CYRIA: variants seen among roughly 807,000 people sequenced by gnomAD.
CYRIA encodes the protein CYFIP related Rac1 interactor A.
In CYRIA, 15 loss-of-function variants were observed where a neutral mutation model predicts 43.9. The ratio of observed to expected loss-of-function variants is 0.34; its 90% CI spans 0.23 to 0.53. The LOEUF is 0.53. Among genes scored for constraint, CYRIA ranks in the 20% least tolerant of loss-of-function variants. The pLI is 0.94. For missense variants in CYRIA, 236 were observed against 394.2 expected, an observed-to-expected ratio of 0.60 and a Z score of 3.40; for synonymous variants, 117 against 136.0, an observed-to-expected ratio of 0.86 and a Z score of 0.97.
At chr2:16,580,118 T>C (rs1667500945) in intron 3 of CYRIA, among the ~76,000 whole-genome samples, 1 of 152,054 alleles carries the variant, frequency 6.6e-6, no homozygotes, top group South Asian at 2.1e-4. Context: ...TAATTAATTT[T>C]TGTATTTTTT....
At chr2:16,621,438 T>A (rs1421916450) in intron 2 of CYRIA, among the ~76,000 whole-genome samples, 2 of 152,142 alleles carry the variant, frequency 1.3e-5, no homozygotes, top group African/African-American at 4.8e-5. Context: ...AGAGTCCCAG[T>A]AGCTAGGGCC....
At chr2:16,586,520 C>T (rs986560245) in intron 3 of CYRIA, among the ~76,000 whole-genome samples, 9 of 151,754 alleles carry the variant, frequency 5.9e-5, no homozygotes, top group African/African-American at 1.5e-4. Context: ...CAACATAGCA[C>T]GCTGATTTAA....
intron 2 of CYRIA, among the ~76,000 whole-genome samples, chr2:16,600,387 G>T (rs950576467): frequency 6.6e-6 from 1 of 152,146 alleles, no homozygotes; most frequent in Non-Finnish European, 1.5e-5. Flanking sequence ...TGGGTGGCAA[G>T]TTTCTTCTTC....
chr2:16,581,921 T>C (rs1172718646), intron 3 of CYRIA, among the ~76,000 whole-genome samples: 1 of 152,214 alleles, frequency 6.6e-6, no homozygotes, highest in Admixed American at 6.5e-5. Flanking sequence ...AACATTATAT[T>C]GAGTGAAAAA....
intron 2 of CYRIA, among the ~76,000 whole-genome samples, chr2:16,619,185 C>A (rs1668911350): frequency 6.6e-6 from 1 of 152,102 alleles, no homozygotes; most frequent in African/African-American, 2.4e-5. Flanking sequence ...TAAGTCTAGC[C>A]CATCCATTCA....
intron 2 of CYRIA, among the ~76,000 whole-genome samples, chr2:16,613,635 T>C (rs1256845137): frequency 6.6e-6 from 1 of 151,486 alleles, no homozygotes; most frequent in Non-Finnish European, 1.5e-5. Flanking sequence ...AAGTACCTTA[T>C]CCACTAAGGG....
intron 3 of CYRIA, among the ~76,000 whole-genome samples, chr2:16,578,347 G>A (rs565930037): frequency 4.5e-4 from 69 of 152,168 alleles, no homozygotes; most frequent in South Asian, 4.0e-3. Flanking sequence ...TTCAAAAAAA[G>A]CAAAGGAAAA....
rs150293036 is a variant in CYRIA at position 16,554,637 on chromosome 2, A to T, written c.908+432T>A. On this transcript the variant is annotated intron_variant, in intron 11 of 11. Transcript: ENST00000381323. ...TTGGTCTTGAGTCACATGCAGTCAGAATCACACAGAGTGTTTTCAAAAGGT... is the reference window on the plus strand; with the variant it reads ...TTGGTCTTGAGTCACATGCAGTCAGTATCACACAGAGTGTTTTCAAAAGGT... 5.4e-3 allele frequency among the ~76,000 whole-genome samples: 818 copies of T among 152,308 alleles called. 11 individuals carry two copies. Among genetic ancestry groups the T allele is most frequent in the African/African-American group, 0.018 (762 of 41,586 alleles).
intron 1 of CYRIA, among the ~76,000 whole-genome samples, chr2:16,663,882 G>A (rs1196799668): frequency 2.0e-5 from 3 of 152,032 alleles, no homozygotes; most frequent in Non-Finnish European, 2.9e-5. Flanking sequence ...GTGATCCCTC[G>A]GACAGGACCA....
chr2:16,567,353 G>A (rs1299740525), intron 3 of CYRIA, among the ~76,000 whole-genome samples: 1 of 152,122 alleles, frequency 6.6e-6, no homozygotes, highest in African/African-American at 2.4e-5. Context: ...GCAATGAACT[G>A]AGATCATGTC....
intron 3 of CYRIA, among the ~76,000 whole-genome samples, chr2:16,577,377 A>C (rs1667390488): frequency 6.6e-6 from 1 of 152,186 alleles, no homozygotes; most frequent in South Asian, 2.1e-4. Context: ...ACACATTTTC[A>C]TATTTTTTAA....
chr2:16,615,399 GC>G (rs1668745989), intron 2 of CYRIA, among the ~76,000 whole-genome samples: 1 of 152,276 alleles, frequency 6.6e-6, no homozygotes, highest in East Asian at 1.9e-4. Flanking sequence ...TTACAAGTGG[GC>G]CCCTTGATTA....
At chr2:16,583,246 G>A (rs1407230902) in intron 3 of CYRIA, among the ~76,000 whole-genome samples, 1 of 152,210 alleles carries the variant, frequency 6.6e-6, no homozygotes, top group African/African-American at 2.4e-5. Flanking sequence ...CTTGAAGTGA[G>A]AATGCAGAGA....
chr2:16,601,328 G>A (rs776675692), intron 2 of CYRIA, among the ~76,000 whole-genome samples: 6 of 152,162 alleles, frequency 3.9e-5, no homozygotes, highest in Non-Finnish European at 7.4e-5. Context: ...GGGGGATTCT[G>A]AGTGTGAAGG....
At chr2:16,644,134 C>T (rs568101738) in intron 1 of CYRIA, among the ~76,000 whole-genome samples, 15 of 152,324 alleles carry the variant, frequency 9.8e-5, no homozygotes, top group East Asian at 1.9e-4. Flanking sequence ...TATAATAAAA[C>T]GAAGCTGATA....
At chr2:16,565,622 A>G in intron 4 of CYRIA, 24 bp downstream of exon 4, 1 of 1,528,118 alleles carries the variant, frequency 6.5e-7, no homozygotes, top group South Asian at 1.2e-5. Context: ...GGGTGTTGTC[A>G]GTTCAGCGTG....
Position 16,630,986 on chromosome 2 carries a change from G to T in CYRIA, c.-166-6967C>A, listed in dbSNP as rs536581772. ...TGGAGTCTGAGCCTGACCACCCCCA[G>T]GTGATGCAAGCCAGGAGGTTGCCTT... is the stretch of plus-strand genomic sequence containing the variant. On this transcript the variant is annotated intron_variant, in intron 1 of 11. Coordinates refer to ENST00000381323, the MANE Select transcript of CYRIA (RefSeq NM_030797.4). 9.0e-4 allele frequency among the ~76,000 whole-genome samples: 137 copies of T among 152,294 alleles called. 1 individual carries two copies. The highest frequency in any genetic ancestry group is 3.2e-3 in the African/African-American group (134 of 41,566).
intron 3 of CYRIA, among the ~76,000 whole-genome samples, chr2:16,574,343 A>T (rs770953013): frequency 1.3e-5 from 2 of 152,204 alleles, no homozygotes; most frequent in Non-Finnish European, 2.9e-5. Context: ...AGAGCATAAA[A>T]GTTTGGAAAA....
At position 16,550,377 on chromosome 2, in the gene CYRIA, T is replaced by C. The variant is rs750962722; in HGVS notation, c.*2559A>G. Reference sequence around the variant, plus strand: ...TCCTGATGCCGGGAGGACAGGCTGTTAAAAGAATTTGTCTCCCACAATATC... The same window carrying C: ...TCCTGATGCCGGGAGGACAGGCTGTCAAAAGAATTTGTCTCCCACAATATC... On this transcript the variant is annotated 3_prime_UTR_variant, in exon 12 of 12. Coordinates refer to ENST00000381323, the MANE Select transcript of CYRIA (RefSeq NM_030797.4). The C allele has an allele frequency of 5.3e-5, 8 of 151,850 alleles. No homozygotes were observed. Among genetic ancestry groups the C allele is most frequent in the Non-Finnish European group, 8.8e-5 (6 of 67,976 alleles). 9.4% of individuals were successfully genotyped at this position (151,850 alleles called of 1,614,324 possible). A position where few individuals can be genotyped will look rare whatever the true frequency, so the allele number is the denominator to read the frequency against.
Sources: allele counts gnomAD v4.1 joint callset (sites outside exome capture counted in the v4.1 genomes callset), GRCh38; gene constraint gnomAD v4.1.1; transcripts MANE v1.5; gene names NCBI Gene and HGNC (gene_info 2026-07-23, HGNC 2026-07-21).